GRID1: variants seen among roughly 807,000 people sequenced by gnomAD.
GRID1 encodes glutamate receptor ionotropic, delta-1.
Under a neutral mutation model 98.0 loss-of-function variants are expected in GRID1, and 28 were observed. The observed-to-expected ratio is 0.29, with a 90% CI of 0.21 to 0.39. GRID1 has a LOEUF of 0.39. GRID1 is among the 10% of genes least tolerant of loss of function. The pLI is 1.00. For missense variants in GRID1, 1,111 were observed against 1,340.5 expected, an observed-to-expected ratio of 0.83 and a Z score of 2.67; for synonymous variants, 553 against 538.5, an observed-to-expected ratio of 1.03 and a Z score of -0.37.
chr10:86,072,000 C>T (rs1376034939), intron 4 of GRID1, among the ~76,000 whole-genome samples: 1 of 151,910 alleles, frequency 6.6e-6, no homozygotes, highest in South Asian at 2.1e-4. Context: ...GGGGCTGGTG[C>T]GAGGAAGAAA....
chr10:86,048,916 A>G (rs2131904084), intron 4 of GRID1, among the ~76,000 whole-genome samples: 1 of 152,334 alleles, frequency 6.6e-6, no homozygotes, highest in South Asian at 2.1e-4. Flanking sequence ...TACAAAATGG[A>G]AATGGTAATT....
At chr10:85,994,509 A>C (rs1029083901) in intron 4 of GRID1, among the ~76,000 whole-genome samples, 9 of 152,218 alleles carry the variant, frequency 5.9e-5, no homozygotes, top group African/African-American at 2.2e-4. Flanking sequence ...CTAGCTGCCC[A>C]CTTCAGTGAT....
intron 2 of GRID1, among the ~76,000 whole-genome samples, chr10:86,246,834 C>T (rs1305456476): frequency 6.6e-6 from 1 of 152,260 alleles, no homozygotes; most frequent in Non-Finnish European, 1.5e-5. Context: ...CTGGCTCCTA[C>T]ATGCCCCTCC....
At chr10:86,032,858 C>T (rs557531716) in intron 4 of GRID1, among the ~76,000 whole-genome samples, 129 of 150,734 alleles carry the variant, frequency 8.6e-4, no homozygotes, top group Non-Finnish European at 1.2e-3. Flanking sequence ...AGAGTACCTC[C>T]TTGATACCAG....
chr10:85,874,505 T>G (rs1226391540), intron 5 of GRID1, among the ~76,000 whole-genome samples: 1 of 152,246 alleles, frequency 6.6e-6, no homozygotes, highest in Non-Finnish European at 1.5e-5. Flanking sequence ...TGTATTGCCT[T>G]TCCTGCATTT....
intron 4 of GRID1, among the ~76,000 whole-genome samples, chr10:86,003,308 C>T (rs1040331403): frequency 2.6e-5 from 4 of 152,230 alleles, no homozygotes; most frequent in Admixed American, 1.3e-4. Context: ...ACGGGGAGCC[C>T]TTGGCACATC....
chr10:85,996,514 A>G (rs936834131), intron 4 of GRID1, among the ~76,000 whole-genome samples: 8 of 152,248 alleles, frequency 5.3e-5, no homozygotes, highest in Non-Finnish European at 1.5e-5. Flanking sequence ...AAACTTGAAG[A>G]CACATCAATA....
intron 4 of GRID1, among the ~76,000 whole-genome samples, chr10:86,090,906 T>G (rs1844136546): frequency 2.0e-5 from 3 of 152,180 alleles, no homozygotes; most frequent in Non-Finnish European, 4.4e-5. Context: ...GGGAGAAGTT[T>G]CCGCCTTTAC....
chr10:85,896,264 C>A (rs930775070), intron 5 of GRID1, among the ~76,000 whole-genome samples: 4 of 152,110 alleles, frequency 2.6e-5, no homozygotes, highest in African/African-American at 9.7e-5. Context: ...AAATGATCTA[C>A]CCAATATAAT....
intron 8 of GRID1, among the ~76,000 whole-genome samples, chr10:85,787,456 C>T (rs1481731320): frequency 2.0e-5 from 3 of 152,146 alleles, no homozygotes; most frequent in Non-Finnish European, 2.9e-5. Flanking sequence ...GGGCACCCAC[C>T]TCCCTGCTGG....
intron 4 of GRID1, among the ~76,000 whole-genome samples, chr10:85,940,983 C>T (rs969831162): frequency 7.2e-5 from 11 of 152,154 alleles, no homozygotes; most frequent in Admixed American, 5.2e-4. Flanking sequence ...AACCATTCTG[C>T]TTGGGGAAGG....
At chr10:86,274,930 C>T (rs1358713385) in intron 2 of GRID1, among the ~76,000 whole-genome samples, 1 of 152,002 alleles carries the variant, frequency 6.6e-6, no homozygotes, top group Non-Finnish European at 1.5e-5. Context: ...TTGCCCTGGC[C>T]AGAACTTCCA....
Position 86,111,751 on chromosome 10 carries a change from G to A in GRID1, c.726+27068C>T, listed in dbSNP as rs74372029. On this transcript the variant is annotated intron_variant, in intron 4 of 15. Transcript: ENST00000327946. Reference sequence around the variant, plus strand: ...CCAGGCTAACAGATATCAGTGTTTGGCTGGTCCAATCAGTCATGCCATTGA... The same window carrying A: ...CCAGGCTAACAGATATCAGTGTTTGACTGGTCCAATCAGTCATGCCATTGA... 6.6e-5 allele frequency among the ~76,000 whole-genome samples: 10 copies of A among 152,350 alleles called. No homozygotes were observed. In the East Asian group the frequency reaches 1.2e-3, roughly 18 times the overall value.
chr10:86,233,964 G>A (rs1454155758), intron 2 of GRID1, among the ~76,000 whole-genome samples: 1 of 150,394 alleles, frequency 6.6e-6, no homozygotes, highest in East Asian at 2.0e-4. Flanking sequence ...GGTGGGTGAG[G>A]GTGGGGGTGC....
At chr10:86,171,462 T>G (rs1487069781) in intron 3 of GRID1, among the ~76,000 whole-genome samples, 2 of 152,242 alleles carry the variant, frequency 1.3e-5, no homozygotes, top group African/African-American at 4.8e-5. Context: ...TAGGACATCA[T>G]GAGTCCATTA....
intron 12 of GRID1, among the ~76,000 whole-genome samples, chr10:85,662,946 C>T (rs915324069): frequency 6.6e-6 from 1 of 152,094 alleles, no homozygotes; most frequent in Non-Finnish European, 1.5e-5. Context: ...CTGTCCTGTG[C>T]AAGATTTTGT....
At chr10:86,165,414 G>A in intron 3 of GRID1, among the ~76,000 whole-genome samples, 1 of 152,204 alleles carries the variant, frequency 6.6e-6, no homozygotes, top group East Asian at 1.9e-4. Flanking sequence ...AGGCAGAGAG[G>A]GAAATGGGAG....
chr10:85,755,731 G>T (rs892868106), intron 8 of GRID1, among the ~76,000 whole-genome samples: 1 of 152,148 alleles, frequency 6.6e-6, no homozygotes, highest in African/African-American at 2.4e-5. Context: ...ATAAGCACAC[G>T]TGTTGGGGCC....
intron 5 of GRID1, among the ~76,000 whole-genome samples, chr10:85,884,028 G>C (rs1841076707): frequency 1.3e-5 from 2 of 152,072 alleles, no homozygotes; most frequent in South Asian, 4.1e-4. Flanking sequence ...ACAATCATAA[G>C]AAAAAATCTC....
Sources: gnomAD v4.1 joint callset for allele counts (sites outside exome capture counted in the v4.1 genomes callset) on GRCh38, gnomAD v4.1.1 for gene constraint, MANE v1.5 for transcripts, NCBI Gene and HGNC (gene_info 2026-07-23, HGNC 2026-07-21) for gene names.